The following DST variants were observed in gnomAD, a reference collection of about 807,000 sequenced individuals.
The protein encoded by DST is dystonin, also known as bullous pemphigoid antigen.
A neutral mutation model predicts 875.2 loss-of-function variants in DST; 253 were observed. The ratio of observed to expected loss-of-function variants is 0.29; its 90% confidence interval spans 0.26 to 0.32. The LOEUF (loss-of-function observed/expected upper bound fraction) is 0.32. Among genes scored for constraint, DST ranks in the 10% least tolerant of loss-of-function variants. The pLI is 1.00. For missense variants in DST, 8,287 were observed against 9,111.6 expected (o/e 0.91, Z 3.68); for synonymous variants, 3,124 against 3,197.1 (o/e 0.98, Z 0.77).
rs1482818142 is a variant in DST, at chr6:56,568,595, T to C, written c.13879A>G (p.Lys4627Glu). The change falls in exon 55 of 104, where the codon AAA becomes GAA. Residue 4627 changes from lysine (K) to glutamate (E), a missense_variant and splice_region_variant. Lys to Glu is a moderately conservative substitution (Grantham distance 56). Around this residue, in one of 10 missense-constraint regions of DST, gnomAD observed 1,513 missense variants for 1,677.8 expected, o/e 0.90. Coordinates refer to ENST00000680361, the MANE Select transcript of DST (RefSeq NM_001374736.1). ...DLGKSLEDTK[K>E]LQEKWSLKTP... ...TTTAAACTCCACTTTTCTTGTAATTTCTTGAGATATAAAAACACATTATTT... is the reference window on the plus strand; with the variant it reads ...TTTAAACTCCACTTTTCTTGTAATTCCTTGAGATATAAAAACACATTATTT... 1 of 1,597,342 alleles carries C rather than the reference T, an allele frequency of 6.3e-7. No individual in the cohort carries two copies. The highest frequency in any genetic ancestry group is 1.1e-5 in the South Asian group (1 of 88,086).
At chr6:56,919,616 A>G (rs1409483248) in intron 2 of DST, among the ~76,000 whole-genome samples, 1 of 152,176 alleles carries the variant, frequency 6.6e-6, no homozygotes, top group African/African-American at 2.4e-5. Context: ...CCAAATGCCC[A>G]TCTTTATTAT....
Position 56,597,997 on chromosome 6 carries a change from C to G in DST, c.11938G>C (p.Val3980Leu), listed in dbSNP as rs758059952. Reference protein sequence around the residue: ...IKEETEKVAAVKQLEESKTKI... With the variant: ...IKEETEKVAALKQLEESKTKI... ...GTTTTGCTCTCTTCCAGCTGCTTCA[C>G]TGCTGCTACCTGGGAAGGGAAAGTT... Residue 3980 changes from valine (V) to leucine (L), a missense_variant, in exon 47 of 104, where the codon GTG (valine) becomes CTG (leucine). By Grantham distance (32) the Val-to-Leu change is conservative. This residue lies in a region of DST where 1,513 missense variants were observed against 1,677.8 expected (regional missense o/e 0.90). Coordinates refer to ENST00000680361, the MANE Select transcript of DST (RefSeq NM_001374736.1). 5 of 1,587,558 alleles carry G rather than the reference C, an allele frequency of 3.1e-6. No individual in the cohort carries two copies. The highest frequency in any genetic ancestry group is 1.7e-4 in the Middle Eastern group (1 of 5,922).
intron 85 of DST, among the ~76,000 whole-genome samples, chr6:56,490,281 A>C (rs1473407085): frequency 1.3e-5 from 2 of 152,108 alleles, no homozygotes; most frequent in African/African-American, 4.8e-5. Context: ...CCTTGCAAAC[A>C]TTCTGGTACT....
At chr6:56,477,024 A>G (rs746493888) in intron 91 of DST, among the ~76,000 whole-genome samples, 7 of 152,170 alleles carry the variant, frequency 4.6e-5, no homozygotes, top group Non-Finnish European at 8.8e-5. Flanking sequence ...TCACTCCACC[A>G]GTATATACTG....
intron 96 of DST, 55 bp downstream of exon 96, chr6:56,470,073 A>G: frequency 1.2e-6 from 2 of 1,605,600 alleles, no homozygotes; most frequent in Non-Finnish European, 1.7e-6. Flanking sequence ...ATTGTGCATG[A>G]TATCGTGGCA....
intron 50 of DST, among the ~76,000 whole-genome samples, chr6:56,576,231 T>G (rs1163863013): frequency 2.0e-5 from 3 of 152,208 alleles, no homozygotes; most frequent in African/African-American, 7.2e-5. Flanking sequence ...TACCTCACCC[T>G]GTGTATCTCT....
intron 58 of DST, among the ~76,000 whole-genome samples, chr6:56,559,440 T>C (rs1248155856): frequency 1.3e-5 from 2 of 152,072 alleles, no homozygotes; most frequent in Non-Finnish European, 2.9e-5. Flanking sequence ...AAAATATACT[T>C]AGAGATTTCT....
intron 3 of DST, among the ~76,000 whole-genome samples, chr6:56,899,201 T>C (rs1049303922): frequency 1.6e-4 from 24 of 152,220 alleles, no homozygotes; most frequent in African/African-American, 5.8e-4. Context: ...AGTTAACACA[T>C]ATCTGTATGT....
At chr6:56,922,029 C>T (rs1355131021) in intron 2 of DST, among the ~76,000 whole-genome samples, 2 of 152,002 alleles carry the variant, frequency 1.3e-5, no homozygotes, top group African/African-American at 4.8e-5. Context: ...TACATATATA[C>T]GTATGTATCC....
chr6:56,503,425 C>T (rs1434820453), intron 78 of DST, among the ~76,000 whole-genome samples: 3 of 151,228 alleles, frequency 2.0e-5, no homozygotes, highest in African/African-American at 7.3e-5. Context: ...AATGTACCCA[C>T]GAAAATTAAA....
chr6:56,548,393 C>A (rs1584674905), intron 61 of DST, among the ~76,000 whole-genome samples: 2 of 152,158 alleles, frequency 1.3e-5, no homozygotes, highest in East Asian at 3.8e-4. Context: ...GAAATTAAAT[C>A]ATGCAATATG....
intron 60 of DST, among the ~76,000 whole-genome samples, chr6:56,554,583 T>C (rs1403759143): frequency 6.6e-6 from 1 of 152,228 alleles, no homozygotes; most frequent in Admixed American, 6.5e-5. Context: ...GTAAAGCTTT[T>C]AGTTTAATAC....
chr6:56,642,762 A>G lies in DST; in HGVS notation c.1779-259T>C, dbSNP rs773285363. 5 of 1,613,978 alleles carry G rather than the reference A, an allele frequency of 3.1e-6. No homozygotes were observed. In the African/African-American group the frequency reaches 6.7e-5, roughly 22 times the overall value. On this transcript the variant is annotated intron_variant, in intron 15 of 103. Transcript: ENST00000680361. ...TGTTACTAAACACAGAATCACTGCTACGGTAACTATAACTACTACTGTGCA... is the reference window on the plus strand; with the variant it reads ...TGTTACTAAACACAGAATCACTGCTGCGGTAACTATAACTACTACTGTGCA...
chr6:56,836,950 T>C (rs932397854), intron 4 of DST, among the ~76,000 whole-genome samples: 10 of 151,680 alleles, frequency 6.6e-5, no homozygotes, highest in Admixed American at 3.3e-4. Flanking sequence ...ATATTGAAAG[T>C]TTTTTCACCA....
chr6:56,532,622 C>T (rs2096916248), intron 63 of DST, 112 bp from the exon 64 acceptor site: 2 of 1,015,046 alleles, frequency 2.0e-6, no homozygotes, highest in Non-Finnish European at 1.4e-6. Context: ...TGTATGTATG[C>T]ACATATGAAA....
intron 5 of DST, among the ~76,000 whole-genome samples, chr6:56,712,100 A>AAAAAAAAAAAAAAAAAAAAAC (rs1563813807): frequency 1.3e-5 from 2 of 148,156 alleles, no homozygotes; most frequent in African/African-American, 5.1e-5. Context: ...CAAAAAAAAA[A>AAAAAAAAAAAAAAAAAAAAAC]AAAAAATAGG....
At chr6:56,767,910 C>G (rs932514119) in intron 4 of DST, among the ~76,000 whole-genome samples, 18 of 152,146 alleles carry the variant, frequency 1.2e-4, no homozygotes, top group Admixed American at 1.1e-3. Flanking sequence ...AGACCTAAGA[C>G]AGGATATGCC....
intron 77 of DST, 49 bp downstream of exon 77, chr6:56,506,394 C>T (rs769455226): frequency 1.3e-5 from 19 of 1,459,598 alleles, no homozygotes; most frequent in Middle Eastern, 1.8e-4. Context: ...TCAATTAGTA[C>T]GATTCCTCCT....
chr6:56,687,588 T>C (rs1221561457), intron 9 of DST, among the ~76,000 whole-genome samples: 1 of 152,160 alleles, frequency 6.6e-6, no homozygotes, highest in Non-Finnish European at 1.5e-5. Flanking sequence ...AAGAGGGTAT[T>C]ATATTTCTAA....
Sources: gnomAD v4.1 joint callset for allele counts (sites outside exome capture counted in the v4.1 genomes callset) on GRCh38, gnomAD v4.1.1 for gene constraint, gnomAD v4.1.1 regional missense constraint, MANE v1.5 for transcripts, NCBI Gene and HGNC (gene_info 2026-07-23, HGNC 2026-07-21) for gene names.